FNDC3A: variants seen among roughly 807,000 people sequenced by gnomAD.
The protein encoded by FNDC3A is fibronectin type-III domain-containing protein 3A.
FNDC3A carries 32 observed loss-of-function variants against 148.9 expected under a neutral mutation model. The observed-to-expected ratio is 0.21, with a 90% confidence interval of 0.16 to 0.29. FNDC3A has a LOEUF of 0.29. Ranked by LOEUF, FNDC3A falls within the 10% of genes least tolerant of loss-of-function variation. The probability of loss-of-function intolerance (pLI) is 1.00; values close to 1 mark genes in which losing one functional copy is unlikely to be tolerated. For missense variants in FNDC3A, 1,191 were observed against 1,452.8 expected, an observed-to-expected ratio of 0.82 and a Z score of 2.93; for synonymous variants, 472 against 473.6, an observed-to-expected ratio of 1.00 and a Z score of 0.04.
intron 3 of FNDC3A, among the ~76,000 whole-genome samples, chr13:49,093,046 T>C (rs1879287281): frequency 1.3e-5 from 2 of 152,180 alleles, no homozygotes; most frequent in Non-Finnish European, 2.9e-5. Flanking sequence ...GTCTTTTTGA[T>C]TTCTAAAGAA....
chr13:49,038,088 G>A (rs571328720), intron 2 of FNDC3A, among the ~76,000 whole-genome samples: 215 of 152,254 alleles, frequency 1.4e-3, no homozygotes, highest in African/African-American at 4.9e-3. Flanking sequence ...TCCAGCGGCC[G>A]ATCTCTTCTC....
chr13:49,162,710 A>G (rs1884218997), intron 8 of FNDC3A, among the ~76,000 whole-genome samples: 1 of 152,144 alleles, frequency 6.6e-6, no homozygotes, highest in South Asian at 2.1e-4. Flanking sequence ...TAGAATTTTC[A>G]TCTTTTCTGC....
At chr13:49,045,007 G>A in intron 2 of FNDC3A, 1 of 313,530 alleles carries the variant, frequency 3.2e-6, no homozygotes. Context: ...AAATTCACTG[G>A]CTCTCATAAG....
At chr13:49,066,421 C>T (rs1877265010) in intron 2 of FNDC3A, among the ~76,000 whole-genome samples, 1 of 152,038 alleles carries the variant, frequency 6.6e-6, no homozygotes, top group Non-Finnish European at 1.5e-5. Flanking sequence ...TTTATGGTGC[C>T]CAAGAAACAC....
chr13:49,191,106 T>C lies in FNDC3A; in HGVS notation c.2036T>C (p.Ile679Thr), dbSNP rs1395313438. The change falls in exon 18 of 26, where the codon ATA becomes ACA. Residue 679 changes from isoleucine (I) to threonine (T), a missense_variant. Physicochemically the swap from Ile to Thr is moderately conservative, Grantham distance 89 (BLOSUM62 -1). Transcript: ENST00000492622. ...RLQGRPKAKE[I>T]QLRWGPPLVD... ...CAGGGTAGACCCAAAGCAAAAGAAA[T>C]ACAGTTACGATGGGGTAATTTCCAT... 6.2e-7 allele frequency: 1 copy of C among 1,612,826 alleles called. No homozygotes were observed. The highest frequency in any genetic ancestry group is 1.7e-5 in the Admixed American group (1 of 59,766).
chr13:49,202,745 A>G (rs963223001), intron 24 of FNDC3A, among the ~76,000 whole-genome samples: 1 of 152,222 alleles, frequency 6.6e-6, no homozygotes, highest in Non-Finnish European at 1.5e-5. Flanking sequence ...GCTCACACCT[A>G]TAAGCCCAGT....
rs144012789 is a variant in FNDC3A at position 49,041,134 on chromosome 13, G to A, written c.100-34155G>A. ...ATTTGCCAGAAACCTGTGAGTGGGC[G>A]TAGCATTTAGACAGGGACCTTTATT... On this transcript the variant is annotated intron_variant, in intron 2 of 25. Coordinates refer to ENST00000492622, the MANE Select transcript of FNDC3A (RefSeq NM_001079673.2). Among the ~76,000 whole-genome samples, 541 of 152,306 alleles carry A rather than the reference G, an allele frequency of 3.6e-3. 2 individuals carry two copies. Among genetic ancestry groups the A allele is most frequent in the Non-Finnish European group, 5.7e-3 (388 of 68,026 alleles).
At chr13:49,060,460 A>G (rs544277473) in intron 2 of FNDC3A, among the ~76,000 whole-genome samples, 1 of 152,138 alleles carries the variant, frequency 6.6e-6, no homozygotes, top group Non-Finnish European at 1.5e-5. Flanking sequence ...CCTGGCCAAC[A>G]TGGTGAAACC....
chr13:49,002,141 G>A (rs139851191), intron 1 of FNDC3A, among the ~76,000 whole-genome samples: 82 of 152,250 alleles, frequency 5.4e-4, no homozygotes, highest in African/African-American at 1.6e-3. Flanking sequence ...GGTTCCCCCA[G>A]TATCTTTTAT....
intron 19 of FNDC3A, among the ~76,000 whole-genome samples, chr13:49,195,168 G>A (rs1320411485): frequency 6.6e-6 from 1 of 152,144 alleles, no homozygotes; most frequent in Admixed American, 6.5e-5. Flanking sequence ...TATGGCCAGA[G>A]GTTGAGGTTA....
At chr13:48,984,415 C>G in intron 1 of FNDC3A, among the ~76,000 whole-genome samples, 1 of 151,582 alleles carries the variant, frequency 6.6e-6, no homozygotes, top group East Asian at 1.9e-4. Context: ...CATCAAAGGT[C>G]GAAACATTAT....
In FNDC3A at chr13:49,191,230, G is replaced by A. The variant is rs372342616; in HGVS notation, c.2072G>A (p.Gly691Glu). The A allele has an allele frequency of 4.4e-6, 7 of 1,609,052 alleles. No homozygotes were observed. The highest frequency in any genetic ancestry group is 2.5e-6 in the Non-Finnish European group (3 of 1,178,306). The change falls in exon 19 of 26, where the codon GGA (glycine) becomes GAA (glutamate). Residue 691 changes from glycine to glutamate, a missense_variant. By Grantham distance (98) the Gly-to-Glu change is moderately conservative. Around this residue, in one of 3 missense-constraint regions of FNDC3A, gnomAD observed 751 missense variants for 944.0 expected, o/e 0.80. Coordinates refer to ENST00000492622, the MANE Select transcript of FNDC3A (RefSeq NM_001079673.2). ...LRWGPPLVDG[G>E]SPISCYSVEM... ...TTAGGACCCCCTCTGGTTGATGGTG[G>A]ATCACCCATTTCCTGTTACAGTGTG...
At chr13:49,133,120 A>G (rs772749559) in intron 5 of FNDC3A, among the ~76,000 whole-genome samples, 9 of 152,188 alleles carry the variant, frequency 5.9e-5, no homozygotes, top group Non-Finnish European at 1.3e-4. Flanking sequence ...CTATTGCCCA[A>G]GTAATGCAAA....
intron 25 of FNDC3A, among the ~76,000 whole-genome samples, chr13:49,204,151 G>C (rs1886542703): frequency 6.6e-6 from 1 of 152,200 alleles, no homozygotes; most frequent in Admixed American, 6.5e-5. Flanking sequence ...TGGAAACCTA[G>C]AGGAATTGTC....
intron 2 of FNDC3A, 134 bp downstream of exon 2, chr13:49,006,423 T>C: frequency 2.0e-6 from 1 of 503,192 alleles, no homozygotes; most frequent in Non-Finnish European, 3.5e-6. Flanking sequence ...TTCAGTTTTA[T>C]AAGATGATAA....
chr13:49,031,271 A>C (rs982869926), intron 2 of FNDC3A, among the ~76,000 whole-genome samples: 2 of 151,960 alleles, frequency 1.3e-5, no homozygotes, highest in Non-Finnish European at 2.9e-5. Flanking sequence ...AATTCCAGCT[A>C]CTCGGGAGGC....
intron 8 of FNDC3A, among the ~76,000 whole-genome samples, chr13:49,164,689 A>G (rs1027390016): frequency 4.6e-5 from 7 of 151,134 alleles, no homozygotes; most frequent in Admixed American, 1.3e-4. Flanking sequence ...GCTCACTGCA[A>G]CCTCCACCTC....
chr13:49,161,833 A>AT (rs1884144637), intron 8 of FNDC3A, among the ~76,000 whole-genome samples: 1 of 151,906 alleles, frequency 6.6e-6, no homozygotes, highest in Non-Finnish European at 1.5e-5. Flanking sequence ...TTGCTTGTAA[A>AT]TTTGTCTGTA....
At chr13:49,105,909 A>G (rs1880144812) in intron 3 of FNDC3A, among the ~76,000 whole-genome samples, 1 of 152,206 alleles carries the variant, frequency 6.6e-6, no homozygotes, top group South Asian at 2.1e-4. Flanking sequence ...AACTTAGATC[A>G]TGTTTTAAAA....
Sources: allele counts gnomAD v4.1 joint callset (sites outside exome capture counted in the v4.1 genomes callset), GRCh38; gene constraint gnomAD v4.1.1; regional missense constraint gnomAD v4.1.1; transcripts MANE v1.5; gene names NCBI Gene and HGNC (gene_info 2026-07-23, HGNC 2026-07-21).